Variants in CECR2 observed in about 807,000 individuals in gnomAD.
The protein encoded by CECR2 is chromatin remodeling regulator CECR2.
A neutral mutation model predicts 154.5 loss-of-function variants in CECR2; 30 were observed. The ratio of observed to expected loss-of-function variants is 0.19; its 90% CI spans 0.15 to 0.26. The LOEUF (loss-of-function observed/expected upper bound fraction) is 0.26. Among genes scored for constraint, CECR2 ranks in the 10% least tolerant of loss-of-function variants. The pLI, the probability that CECR2 is intolerant of heterozygous loss-of-function variation, is 1.00. For synonymous variants in CECR2, 725 were observed against 683.7 expected, an observed-to-expected ratio of 1.06 and a Z score of -0.94; for missense variants, 1,743 against 1,829.3, an observed-to-expected ratio of 0.95 and a Z score of 0.86.
chr22:17,387,067 A>G (rs1332028664), intron 1 of CECR2, among the ~76,000 whole-genome samples: 2 of 152,212 alleles, frequency 1.3e-5, no homozygotes, highest in Non-Finnish European at 2.9e-5. Context: ...TTGTAGGACT[A>G]CTAAATGTTA....
In CECR2 at chr22:17,462,472, A is replaced by T. The variant is rs528999340; in HGVS notation, c.127-15116A>T. Among the ~76,000 whole-genome samples the T allele has an allele frequency of 5.3e-4, 81 of 152,312 alleles. 1 individual carries two copies. The South Asian group carries it at 0.016, about 30-fold the overall frequency. On this transcript the variant is annotated intron_variant, in intron 1 of 18. Coordinates refer to ENST00000262608, the MANE Select transcript of CECR2 (RefSeq NM_001290047.2). ...AAGTTCAGGATACAGACTTAATCTG[A>T]TGAATTGCGAGGAGTCTTTGGAGGC... is the stretch of plus-strand genomic sequence containing the variant.
chr22:17,435,526 A>G (rs940765706), intron 1 of CECR2, among the ~76,000 whole-genome samples: 2 of 152,102 alleles, frequency 1.3e-5, no homozygotes, highest in East Asian at 3.9e-4. Flanking sequence ...CTCTAAGTTT[A>G]GGAAGCCCTC....
intron 1 of CECR2, among the ~76,000 whole-genome samples, chr22:17,375,721 C>G (rs1165761956): frequency 1.3e-5 from 2 of 151,962 alleles, no homozygotes; most frequent in African/African-American, 4.8e-5. Flanking sequence ...TTTTGGGAGG[C>G]CGAGGCGGGC....
chr22:17,428,433 A>G (rs539911726), intron 1 of CECR2: 1 of 152,282 alleles, frequency 6.6e-6, no homozygotes, highest in African/African-American at 2.4e-5. Context: ...GTACTTACAC[A>G]ATGGCGGTAA....
chr22:17,512,754 G>A (rs1185889532), intron 8 of CECR2, among the ~76,000 whole-genome samples: 1 of 151,418 alleles, frequency 6.6e-6, no homozygotes, highest in Admixed American at 6.6e-5. Context: ...CTGAGAGTTT[G>A]TGGCAAGTTT....
chr22:17,511,702 C>G, intron 7 of CECR2, 111 bp from the exon 8 acceptor site: 1 of 800,154 alleles, frequency 1.2e-6, no homozygotes, highest in Non-Finnish European at 2.1e-6. Context: ...TGGCCCTAAC[C>G]TGTGTGCCTC....
upstream of CECR2, chr22:17,369,305 GC>G (rs1569035383): frequency 4.6e-5 from 7 of 151,008 alleles, no homozygotes; most frequent in South Asian, 8.4e-4. Flanking sequence ...GCCCGGGGGC[GC>G]GCGCCCCGCC....
At chr22:17,402,399 T>C (rs1480129632) in intron 1 of CECR2, among the ~76,000 whole-genome samples, 4 of 152,262 alleles carry the variant, frequency 2.6e-5, no homozygotes, top group African/African-American at 9.6e-5. Flanking sequence ...CAGCAAACTT[T>C]TCCTGTCAAG....
chr22:17,539,047 A>G lies in CECR2; in HGVS notation c.1423A>G (p.Thr475Ala), dbSNP rs1233460933. 1 of 1,613,912 alleles carries G rather than the reference A, an allele frequency of 6.2e-7. No homozygotes were observed. Among genetic ancestry groups the G allele is most frequent in the Non-Finnish European group, 8.5e-7 (1 of 1,179,806 alleles). Residue 475 changes from threonine (T) to alanine (A), a missense_variant, in exon 13 of 19, where the codon ACC becomes GCC. This residue lies in a region of CECR2 where 103 missense variants were observed against 166.8 expected (regional missense o/e 0.62). Coordinates refer to ENST00000262608, the MANE Select transcript of CECR2 (RefSeq NM_001290047.2). ...GAAACTGAATGGAGGTTTATACTGT[A>G]CCAAGGAGGAATTTGTAAATGACAT... ...EKKLNGGLYCTKEEFVNDMKT... is the reference protein window; with the variant it reads ...EKKLNGGLYCAKEEFVNDMKT...
intron 2 of CECR2, among the ~76,000 whole-genome samples, chr22:17,485,293 G>A (rs775287155): frequency 1.3e-5 from 2 of 152,152 alleles, no homozygotes; most frequent in African/African-American, 2.4e-5. Context: ...CTAGACCTCC[G>A]ACTCCTAACT....
At chr22:17,419,254 G>A (rs1475423883) in intron 1 of CECR2, 1 of 154,962 alleles carries the variant, frequency 6.5e-6, no homozygotes, top group Non-Finnish European at 1.4e-5. Context: ...GACTGGAGCA[G>A]GCCACCTGGC....
intron 1 of CECR2, among the ~76,000 whole-genome samples, chr22:17,467,879 A>G (rs1207181482): frequency 6.6e-6 from 1 of 152,202 alleles, no homozygotes; most frequent in Non-Finnish European, 1.5e-5. Context: ...GGTCATCAGA[A>G]AGAGAACTGC....
intron 2 of CECR2, among the ~76,000 whole-genome samples, chr22:17,486,743 G>T (rs1024572763): frequency 6.6e-6 from 1 of 152,212 alleles, no homozygotes; most frequent in Non-Finnish European, 1.5e-5. Context: ...GAAAACTTAC[G>T]AAGAAGATCA....
intron 1 of CECR2, among the ~76,000 whole-genome samples, chr22:17,384,449 A>C (rs1835911536): frequency 6.6e-6 from 1 of 152,254 alleles, no homozygotes; most frequent in Non-Finnish European, 1.5e-5. Context: ...ATGGGCTTGC[A>C]GAATGGATGT....
intron 1 of CECR2, among the ~76,000 whole-genome samples, chr22:17,361,500 C>T (rs1217362812): frequency 6.6e-6 from 1 of 151,238 alleles, no homozygotes; most frequent in Non-Finnish European, 1.5e-5. Flanking sequence ...CAAACAACAC[C>T]CCCCACCCAA....
At chr22:17,458,449 A>G (rs1212407246) in intron 1 of CECR2, among the ~76,000 whole-genome samples, 1 of 150,988 alleles carries the variant, frequency 6.6e-6, no homozygotes, top group African/African-American at 2.4e-5. Context: ...CACATAACAC[A>G]CACATGACTG....
intron 7 of CECR2, among the ~76,000 whole-genome samples, chr22:17,510,612 C>CT (rs1185754959): frequency 5.9e-5 from 9 of 151,974 alleles, no homozygotes; most frequent in Non-Finnish European, 8.8e-5. Flanking sequence ...TTCTTTCTTT[C>CT]TTTTTTTGAG....
upstream of CECR2, among the ~76,000 whole-genome samples, chr22:17,365,177 T>G (rs559982975): frequency 4.6e-5 from 7 of 151,552 alleles, no homozygotes; most frequent in African/African-American, 1.7e-4. Context: ...TGAGCCAAGA[T>G]CATGCCACTG....
At chr22:17,417,992 A>G (rs2054180604) in intron 1 of CECR2, among the ~76,000 whole-genome samples, 3 of 152,190 alleles carry the variant, frequency 2.0e-5, no homozygotes. Context: ...CTTAAAAAAA[A>G]ACATAAAAAC....
Sources: allele counts gnomAD v4.1 joint callset (sites outside exome capture counted in the v4.1 genomes callset), GRCh38; gene constraint gnomAD v4.1.1; regional missense constraint gnomAD v4.1.1; transcripts MANE v1.5; gene names NCBI Gene and HGNC (gene_info 2026-07-23, HGNC 2026-07-21).